The following PCMTD1 variants were observed in gnomAD, a reference collection of about 807,000 sequenced individuals.
PCMTD1 encodes protein-L-isoaspartate O-methyltransferase domain-containing protein 1.
In PCMTD1, 12 loss-of-function variants were observed where a neutral mutation model predicts 37.6. That is an observed-to-expected ratio of 0.32 (90% confidence interval 0.20 to 0.52). The LOEUF is 0.52. PCMTD1 is among the 20% of genes least tolerant of loss of function. The pLI is 0.97. For synonymous variants in PCMTD1, 117 were observed against 135.8 expected (o/e 0.86, Z 0.96); for missense variants, 235 against 421.3 (o/e 0.56, Z 3.87).
upstream of PCMTD1, chr8:51,899,084 G>A (rs1206781143): frequency 2.0e-5 from 30 of 1,489,744 alleles, no homozygotes; most frequent in South Asian, 6.3e-5. Flanking sequence ...GAGCCTCCCG[G>A]ACTCCGGAGC....
At chr8:51,858,281 A>G (rs2038420219) in intron 2 of PCMTD1, among the ~76,000 whole-genome samples, 1 of 149,856 alleles carries the variant, frequency 6.7e-6, no homozygotes, top group African/African-American at 2.5e-5. Context: ...CCCAGAGTTT[A>G]CTACTAAATA....
chr8:51,876,015 T>C (rs952774867), intron 1 of PCMTD1, among the ~76,000 whole-genome samples: 7 of 152,228 alleles, frequency 4.6e-5, no homozygotes, highest in African/African-American at 1.2e-4. Flanking sequence ...ATCACTATTA[T>C]ATCATTACTG....
intron 1 of PCMTD1, among the ~76,000 whole-genome samples, chr8:51,895,478 T>C (rs117406270): frequency 0.011 from 1,637 of 152,350 alleles, 10 homozygotes; most frequent in Middle Eastern, 0.051. Context: ...CTAGAAATCA[T>C]ACCTGATGCA....
intron 3 of PCMTD1, among the ~76,000 whole-genome samples, chr8:51,839,175 T>C (rs2038110410): frequency 6.6e-6 from 1 of 152,018 alleles, no homozygotes; most frequent in African/African-American, 2.4e-5. Context: ...AAATGTTATA[T>C]GTATACAGAA....
chr8:51,877,653 ACTTTT>A (rs763683018), intron 1 of PCMTD1, among the ~76,000 whole-genome samples: 1 of 152,198 alleles, frequency 6.6e-6, no homozygotes, highest in East Asian at 1.9e-4. Context: ...ACTTTACTTT[ACTTTT>A]CATAGGCCAA....
intron 1 of PCMTD1, among the ~76,000 whole-genome samples, chr8:51,890,652 A>G (rs933535901): frequency 2.0e-5 from 3 of 152,256 alleles, no homozygotes; most frequent in Admixed American, 6.5e-5. Context: ...CTACTTACGC[A>G]GTAGCAGTGA....
intron 3 of PCMTD1, among the ~76,000 whole-genome samples, chr8:51,844,187 T>C (rs960801890): frequency 2.0e-5 from 3 of 152,176 alleles, no homozygotes; most frequent in African/African-American, 7.2e-5. Context: ...AAATTTCTTA[T>C]CAAATAATTT....
chr8:51,878,189 T>C (rs1340516356), intron 1 of PCMTD1, among the ~76,000 whole-genome samples: 1 of 151,920 alleles, frequency 6.6e-6, no homozygotes, highest in African/African-American at 2.4e-5. Flanking sequence ...CAGGATGGCT[T>C]TGAATGCAGC....
chr8:51,869,803 A>C (rs1304164579), intron 1 of PCMTD1, among the ~76,000 whole-genome samples: 1 of 152,202 alleles, frequency 6.6e-6, no homozygotes. Context: ...ATGTTTACTC[A>C]TAAAACACAA....
chr8:51,847,307 A>G (rs532225158), intron 2 of PCMTD1, among the ~76,000 whole-genome samples: 1 of 152,320 alleles, frequency 6.6e-6, no homozygotes, highest in East Asian at 1.9e-4. Context: ...GTTTTAAAAA[A>G]CCAAATAGTT....
chr8:51,850,836 A>AT (rs1217809974), intron 2 of PCMTD1, among the ~76,000 whole-genome samples: 2 of 152,216 alleles, frequency 1.3e-5, no homozygotes, highest in African/African-American at 4.8e-5. Flanking sequence ...AGGTATCTTT[A>AT]TAAAGATTTA....
intron 2 of PCMTD1, chr8:51,849,830 T>C: frequency 2.0e-6 from 1 of 498,502 alleles, no homozygotes; most frequent in East Asian, 3.2e-5. Context: ...ATATTTTTTA[T>C]TTATGTCTAT....
chr8:51,837,525 A>ATT (rs1471370243), intron 3 of PCMTD1, among the ~76,000 whole-genome samples: 13 of 152,146 alleles, frequency 8.5e-5, no homozygotes, highest in Admixed American at 8.5e-4. Context: ...AACACTACCA[A>ATT]TTTTAGTGTC....
intron 1 of PCMTD1, among the ~76,000 whole-genome samples, chr8:51,893,074 T>C (rs756593424): frequency 2.6e-5 from 4 of 152,216 alleles, no homozygotes; most frequent in Non-Finnish European, 4.4e-5. Context: ...TTTAATATTT[T>C]ATAAAGCTAA....
At chr8:51,884,946 T>C (rs1210697887) in intron 1 of PCMTD1, among the ~76,000 whole-genome samples, 1 of 152,202 alleles carries the variant, frequency 6.6e-6, no homozygotes, top group Non-Finnish European at 1.5e-5. Flanking sequence ...TAACATCTAT[T>C]TCTATATCCT....
At chr8:51,871,679 T>C (rs750440123) in intron 1 of PCMTD1, among the ~76,000 whole-genome samples, 6 of 152,206 alleles carry the variant, frequency 3.9e-5, no homozygotes, top group Non-Finnish European at 8.8e-5. Context: ...TTTATCACAG[T>C]TGCATGGTCT....
At chr8:51,852,892 A>G (rs1034937086) in intron 2 of PCMTD1, among the ~76,000 whole-genome samples, 2 of 152,224 alleles carry the variant, frequency 1.3e-5, no homozygotes, top group Non-Finnish European at 2.9e-5. Context: ...GGGCAGGAAA[A>G]GAATTGTTGG....
intron 3 of PCMTD1, among the ~76,000 whole-genome samples, chr8:51,840,058 A>T (rs2129278714): frequency 1.3e-5 from 2 of 152,340 alleles, no homozygotes; most frequent in Middle Eastern, 6.8e-3. Flanking sequence ...TTTGAAAAAC[A>T]AACCTTTACA....
intron 1 of PCMTD1, among the ~76,000 whole-genome samples, chr8:51,862,669 G>C (rs546240144): frequency 6.6e-6 from 1 of 152,264 alleles, no homozygotes; most frequent in East Asian, 1.9e-4. Flanking sequence ...AGGGTCTCAA[G>C]TATCCCCAGG....
Sources: gnomAD v4.1 joint callset for allele counts (sites outside exome capture counted in the v4.1 genomes callset) on GRCh38, gnomAD v4.1.1 for gene constraint, MANE v1.5 for transcripts, NCBI Gene and HGNC (gene_info 2026-07-23, HGNC 2026-07-21) for gene names.